Variants in CORO2B observed in about 807,000 individuals in gnomAD.
CORO2B encodes coronin-2B.
In CORO2B, 26 loss-of-function variants were observed where a neutral mutation model predicts 58.8. The ratio of observed to expected loss-of-function variants is 0.44; its 90% CI spans 0.32 to 0.61. The LOEUF is 0.61. CORO2B is among the 20% of genes least tolerant of loss of function. The pLI is 0.04. For missense variants in CORO2B, 460 were observed against 645.1 expected (o/e 0.71, Z 3.11); for synonymous variants, 242 against 253.8 (o/e 0.95, Z 0.44).
rs146375706 is a variant in CORO2B, at chr15:68,627,959, G to A, written c.16-17201G>A. ...TTTACTCACTCTTACTTCTGTACCC[G>A]AAATCTTCCCTCCCTGCCCCCAAAC... On this transcript the variant is annotated intron_variant, in intron 1 of 11. Transcript: ENST00000261861. Among the ~76,000 whole-genome samples, 131 of 152,096 alleles carry A rather than the reference G, an allele frequency of 8.6e-4. 2 individuals are homozygous for A. The highest frequency in any genetic ancestry group is 3.1e-3 in the African/African-American group (127 of 41,446).
At chr15:68,605,378 A>G (rs28528339) in intron 1 of CORO2B, among the ~76,000 whole-genome samples, 7,968 of 152,284 alleles carry the variant, frequency 0.052, 694 homozygotes, top group African/African-American at 0.18. Context: ...GAAAAACTCT[A>G]TGCATCAAGA....
chr15:68,592,212 C>T (rs1332094674), intron 1 of CORO2B, among the ~76,000 whole-genome samples: 1 of 152,188 alleles, frequency 6.6e-6, no homozygotes, highest in East Asian at 1.9e-4. Context: ...TTGAGTCCTG[C>T]CAGCTTGCTT....
chr15:68,689,676 A>G (rs762247162), intron 2 of CORO2B, among the ~76,000 whole-genome samples: 5 of 152,234 alleles, frequency 3.3e-5, no homozygotes, highest in Admixed American at 6.5e-5. Context: ...CCCTGTACAG[A>G]AACAGTAACT....
At chr15:68,614,694 C>G (rs1900311856) in intron 1 of CORO2B, among the ~76,000 whole-genome samples, 1 of 152,316 alleles carries the variant, frequency 6.6e-6, no homozygotes, top group East Asian at 1.9e-4. Context: ...CCCGGGAGCC[C>G]TCTGGGGAAG....
At chr15:68,697,103 A>G (rs1892529908) in intron 3 of CORO2B, among the ~76,000 whole-genome samples, 1 of 152,052 alleles carries the variant, frequency 6.6e-6, no homozygotes, top group African/African-American at 2.4e-5. Flanking sequence ...CGATGGATGC[A>G]TGGATGGATG....
Position 68,710,938 on chromosome 15 carries a change from T to C in CORO2B, c.483+57T>C. Reference sequence around the variant, plus strand: ...GGATTGGGGAAGAGAAAGGGGCCTTTTGGGTACCCGTAGGAAGCACTGTTG... The same window carrying C: ...GGATTGGGGAAGAGAAAGGGGCCTTCTGGGTACCCGTAGGAAGCACTGTTG... On this transcript the variant is annotated intron_variant, in intron 4 of 11. Coordinates refer to ENST00000261861, the MANE Select transcript of CORO2B (RefSeq NM_006091.5). The surrounding 1 kb of genome is among the most constrained non-coding windows in gnomAD (Gnocchi z 4.1). 1 of 1,518,288 alleles carries C rather than the reference T, an allele frequency of 6.6e-7. No individual in the cohort carries two copies. The highest frequency in any genetic ancestry group is 8.9e-7 in the Non-Finnish European group (1 of 1,126,356). 94.1% of individuals were successfully genotyped at this position (1,518,288 alleles called of 1,614,324 possible). A position where few individuals can be genotyped will look rare whatever the true frequency, so the allele number is the denominator to read the frequency against.
chr15:68,589,191 C>G (rs1333242663), intron 1 of CORO2B, among the ~76,000 whole-genome samples: 1 of 152,172 alleles, frequency 6.6e-6, no homozygotes, highest in African/African-American at 2.4e-5. Flanking sequence ...GCATGTGATC[C>G]CTGGTATACC....
chr15:68,719,357 C>T (rs1893108005), intron 10 of CORO2B, 56 bp from the exon 11 acceptor site: 6 of 1,603,990 alleles, frequency 3.7e-6, no homozygotes, highest in Middle Eastern at 1.7e-4. Flanking sequence ...CCTGCTGGAC[C>T]ATCACCTGAC....
intron 1 of CORO2B, among the ~76,000 whole-genome samples, chr15:68,607,863 T>A (rs1900163309): frequency 6.7e-6 from 1 of 149,768 alleles, no homozygotes; most frequent in Non-Finnish European, 1.5e-5. Context: ...CATTTTTCAC[T>A]CCTTTCTAAG....
intron 2 of CORO2B, among the ~76,000 whole-genome samples, chr15:68,664,422 C>T (rs975359127): frequency 6.8e-4 from 104 of 152,134 alleles, no homozygotes; most frequent in African/African-American, 2.4e-3. Flanking sequence ...CCAAGACAGG[C>T]GGATCACGAG....
At chr15:68,694,388 C>G (rs893691203) in intron 2 of CORO2B, among the ~76,000 whole-genome samples, 5 of 152,192 alleles carry the variant, frequency 3.3e-5, no homozygotes, top group Admixed American at 3.3e-4. Flanking sequence ...AGAGGGGAAA[C>G]CGAGGCTCAG....
At chr15:68,614,174 G>A (rs999925867) in intron 1 of CORO2B, among the ~76,000 whole-genome samples, 7 of 152,162 alleles carry the variant, frequency 4.6e-5, no homozygotes, top group Non-Finnish European at 7.3e-5. Flanking sequence ...GAGAACCTGT[G>A]AACACATCTT....
chr15:68,705,190 C>T (rs1036229791), intron 3 of CORO2B, among the ~76,000 whole-genome samples: 9 of 152,088 alleles, frequency 5.9e-5, no homozygotes, highest in African/African-American at 2.2e-4. Context: ...TCTAAATGTG[C>T]AGATGAAGGC....
At chr15:68,672,954 G>C (rs537209239) in intron 2 of CORO2B, among the ~76,000 whole-genome samples, 1 of 152,178 alleles carries the variant, frequency 6.6e-6, no homozygotes, top group South Asian at 2.1e-4. Flanking sequence ...GTACCAGGGT[G>C]TGGGGTATGG....
intron 11 of CORO2B, among the ~76,000 whole-genome samples, chr15:68,723,371 C>G (rs1893212745): frequency 6.6e-6 from 1 of 151,638 alleles, no homozygotes. Context: ...ATCCACCTGC[C>G]TCAGCCTCCC....
At chr15:68,717,619 T>C (rs917182351) in intron 8 of CORO2B, among the ~76,000 whole-genome samples, 2 of 152,232 alleles carry the variant, frequency 1.3e-5, no homozygotes, top group Admixed American at 1.3e-4. Flanking sequence ...TTTGCTGTGA[T>C]GTAGGCACTT....
intron 1 of CORO2B, among the ~76,000 whole-genome samples, chr15:68,639,050 G>GCTCAT (rs1396730386): frequency 6.6e-6 from 1 of 152,194 alleles, no homozygotes; most frequent in Non-Finnish European, 1.5e-5. Context: ...TAGAGGAAGG[G>GCTCAT]CTCATGAGGG....
chr15:68,624,882 C>T (rs1053665638), intron 1 of CORO2B, among the ~76,000 whole-genome samples: 1 of 152,086 alleles, frequency 6.6e-6, no homozygotes, highest in Admixed American at 6.6e-5. Context: ...AGGGTTTTGC[C>T]ATGTTGGCCA....
At chr15:68,611,636 A>C (rs1595967363) in intron 1 of CORO2B, among the ~76,000 whole-genome samples, 1 of 152,134 alleles carries the variant, frequency 6.6e-6, no homozygotes, top group South Asian at 2.1e-4. Context: ...CAATTGATTG[A>C]ATTAGATTTA....
Sources: allele counts gnomAD v4.1 joint callset (sites outside exome capture counted in the v4.1 genomes callset), GRCh38; gene constraint gnomAD v4.1.1; non-coding constraint Gnocchi (gnomAD v3.1); transcripts MANE v1.5; gene names NCBI Gene and HGNC (gene_info 2026-07-23, HGNC 2026-07-21).